MEAK7: variants seen among roughly 807,000 people sequenced by gnomAD.
The protein encoded by MEAK7 is MTOR-associated protein MEAK7.
In MEAK7, 68 loss-of-function variants were observed where a neutral mutation model predicts 40.5. The ratio of observed to expected loss-of-function variants is 1.68; its 90% CI spans 1.38 to 2.06. The LOEUF is 2.06. Among genes scored for constraint, MEAK7 ranks in the 30% most tolerant of loss-of-function variants. The probability of loss-of-function intolerance (pLI) is 0.00; values close to 1 mark genes in which losing one functional copy is unlikely to be tolerated. For missense variants in MEAK7, 918 were observed against 580.5 expected (o/e 1.58, Z -5.98); for synonymous variants, 338 against 231.9 (o/e 1.46, Z -4.16).
chr16:84,495,792 G>A lies in MEAK7; in HGVS notation c.275C>T (p.Thr92Ile). 6.2e-7 allele frequency: 1 copy of A among 1,614,088 alleles called. No homozygotes were observed. The highest frequency in any genetic ancestry group is 1.1e-5 in the South Asian group (1 of 91,074). ...PSENVSQEQF[T>I]ASMSHLLKGN... ...TTTCAACAGGTGGGACATGGATGCTGTGAACTGCTCCTGGGACACGTTCTC... is the reference window on the plus strand; with the variant it reads ...TTTCAACAGGTGGGACATGGATGCTATGAACTGCTCCTGGGACACGTTCTC... Residue 92 changes from threonine to isoleucine, a missense_variant, in exon 3 of 8, where the codon ACA (threonine) becomes ATA (isoleucine). Physicochemically the swap from Thr to Ile is moderately conservative, Grantham distance 89. Coordinates refer to ENST00000343629, the MANE Select transcript of MEAK7 (RefSeq NM_020947.4).
rs1383148313 is a variant in MEAK7 at position 84,478,269 on chromosome 16, T to A, written c.*1644A>T. 6.6e-6 allele frequency: 1 copy of A among 152,172 alleles called. No individual in the cohort carries two copies. The highest frequency in any genetic ancestry group is 1.9e-4 in the East Asian group (1 of 5,192). 9.4% of individuals were successfully genotyped at this position (152,172 alleles called of 1,614,324 possible). A position where few individuals can be genotyped will look rare whatever the true frequency, so the allele number is the denominator to read the frequency against. On this transcript the variant is annotated 3_prime_UTR_variant, in exon 8 of 8. Coordinates refer to ENST00000343629, the MANE Select transcript of MEAK7 (RefSeq NM_020947.4). ...TTACAAACTGGCTAAGGAAAATCAG[T>A]CATGACTAAGTCCTTGTCTGCATCA... is the stretch of plus-strand genomic sequence containing the variant.
Position 84,495,928 on chromosome 16 carries a change from C to A in MEAK7, c.154-15G>T. Reference sequence around the variant, plus strand: ...CCGACGTGGTTCTGCCGGGGACAAGCAGAAAAATATGGTTAGACAGTGCAC... The same window carrying A: ...CCGACGTGGTTCTGCCGGGGACAAGAAGAAAAATATGGTTAGACAGTGCAC... On this transcript the variant is annotated splice_polypyrimidine_tract_variant and intron_variant, in intron 2 of 7. Transcript: ENST00000343629. The A allele has an allele frequency of 6.2e-7, 1 of 1,613,188 alleles. No individual in the cohort carries two copies. Among genetic ancestry groups the A allele is most frequent in the African/African-American group, 1.3e-5 (1 of 74,946 alleles).
At chr16:84,485,669 T>TAC (rs1912980942) in intron 5 of MEAK7, among the ~76,000 whole-genome samples, 1 of 150,400 alleles carries the variant, frequency 6.6e-6, no homozygotes, top group African/African-American at 2.4e-5. Flanking sequence ...CATCCATCTA[T>TAC]CTACCTATCT....
In MEAK7 at chr16:84,478,805, C is replaced by G. The variant is rs182538431; in HGVS notation, c.*1108G>C. ...TGCACTGACAGCTGTGACTCAGGCACTGGTTCCCAGAGATCTAGAACCCAG... is the reference window on the plus strand; with the variant it reads ...TGCACTGACAGCTGTGACTCAGGCAGTGGTTCCCAGAGATCTAGAACCCAG... On this transcript the variant is annotated 3_prime_UTR_variant, in exon 8 of 8. Coordinates refer to ENST00000343629, the MANE Select transcript of MEAK7 (RefSeq NM_020947.4). The G allele has an allele frequency of 1.3e-5, 2 of 152,394 alleles. No individual in the cohort carries two copies. The highest frequency in any genetic ancestry group is 6.5e-5 in the Admixed American group (1 of 15,302). 9.4% of individuals were successfully genotyped at this position (152,394 alleles called of 1,614,324 possible). A position where few individuals can be genotyped will look rare whatever the true frequency, so the allele number is the denominator to read the frequency against.
rs900543001 is a variant in MEAK7 at position 84,478,871 on chromosome 16, T to A, written c.*1042A>T. ...TAGACAGCTGTGACTCAGGTGCTGGTTCCCAGAGGTCTAGAACCCAGGCCA... is the reference window on the plus strand; with the variant it reads ...TAGACAGCTGTGACTCAGGTGCTGGATCCCAGAGGTCTAGAACCCAGGCCA... On this transcript the variant is annotated 3_prime_UTR_variant, in exon 8 of 8. Coordinates refer to ENST00000343629, the MANE Select transcript of MEAK7 (RefSeq NM_020947.4). The A allele has an allele frequency of 1.3e-5, 2 of 152,216 alleles. No homozygotes were observed. The highest frequency in any genetic ancestry group is 4.8e-5 in the African/African-American group (2 of 41,446). 9.4% of individuals were successfully genotyped at this position (152,216 alleles called of 1,614,324 possible). A position where few individuals can be genotyped will look rare whatever the true frequency, so the allele number is the denominator to read the frequency against.
At chr16:84,484,243 C>G (rs946723235) in intron 5 of MEAK7, among the ~76,000 whole-genome samples, 1 of 152,218 alleles carries the variant, frequency 6.6e-6, no homozygotes, top group Non-Finnish European at 1.5e-5. Context: ...GAATACAGGG[C>G]AAGGACCTGA....
intron 3 of MEAK7, among the ~76,000 whole-genome samples, chr16:84,493,212 A>C (rs1913772793): frequency 6.6e-6 from 1 of 152,234 alleles, no homozygotes. Context: ...AGAAGTACCC[A>C]AATTTCCTTG....
chr16:84,495,599 G>T (rs556728229), intron 3 of MEAK7, 84 bp downstream of exon 3: 7 of 1,320,798 alleles, frequency 5.3e-6, no homozygotes, highest in South Asian at 5.0e-5. Flanking sequence ...ACTCCTCCAT[G>T]TGCCATGTAA....
chr16:84,486,695 G>A lies in MEAK7; in HGVS notation c.894C>T (p.Asp298=), dbSNP rs1913090601. ...ACCCACCGAACACATGCTTGTCATGGTCCTCGAGGACAGCCACACAGGGTC... is the reference window on the plus strand; with the variant it reads ...ACCCACCGAACACATGCTTGTCATGATCCTCGAGGACAGCCACACAGGGTC... ...HRGPCVAVLE[D]HDKHVFGGFA... is the part of the protein sequence containing the mutation. The change falls in exon 5 of 8, where the codon GAC becomes GAT. Residue 298 remains aspartate, a synonymous_variant. Transcript: ENST00000343629. 6.2e-7 allele frequency: 1 copy of A among 1,614,134 alleles called. No individual in the cohort carries two copies. Among genetic ancestry groups the A allele is most frequent in the Non-Finnish European group, 8.5e-7 (1 of 1,180,012 alleles).
intron 1 of MEAK7, among the ~76,000 whole-genome samples, chr16:84,498,614 A>C (rs1027372332): frequency 5.3e-5 from 8 of 152,068 alleles, no homozygotes; most frequent in Admixed American, 5.2e-4. Flanking sequence ...AGCTGATACA[A>C]ACAAAGCTGG....
chr16:84,498,044 G>A lies in MEAK7; in HGVS notation c.43C>T (p.Gln15Ter). 6.2e-7 allele frequency: 1 copy of A among 1,612,024 alleles called. No individual in the cohort carries two copies. The highest frequency in any genetic ancestry group is 8.5e-7 in the Non-Finnish European group (1 of 1,178,034). The change falls in exon 2 of 8, where the codon CAG (glutamine) becomes TAG (stop). Residue 15 changes from glutamine (Q) to a stop codon, truncating the protein, a stop_gained. Coordinates refer to ENST00000343629, the MANE Select transcript of MEAK7 (RefSeq NM_020947.4). LOFTEE classifies it high-confidence loss of function. ...TCTGCCTGTTCCTCAGGAAGAAACT[G>A]TGAACAAAAGCTCCGCCCCACACGG... ...RSRVGRSFCS[Q>*]FLPEEQAEID...
chr16:84,495,623 C>T, intron 3 of MEAK7, 60 bp downstream of exon 3: 3 of 1,541,718 alleles, frequency 1.9e-6, no homozygotes, highest in East Asian at 4.5e-5. Context: ...GCCTCCATCC[C>T]CCCACCGATG....
At chr16:84,493,972 C>A (rs1913838156) in intron 3 of MEAK7, among the ~76,000 whole-genome samples, 1 of 152,144 alleles carries the variant, frequency 6.6e-6, no homozygotes, top group African/African-American at 2.4e-5. Flanking sequence ...TCACCCAAGT[C>A]ACATGGGTAT....
intron 5 of MEAK7, among the ~76,000 whole-genome samples, chr16:84,483,069 C>G (rs1236620891): frequency 1.3e-5 from 2 of 152,180 alleles, no homozygotes; most frequent in Non-Finnish European, 2.9e-5. Flanking sequence ...GGTGGTCACT[C>G]CGCAGAGACT....
chr16:84,497,976 G>A lies in MEAK7; in HGVS notation c.111C>T (p.Ser37=). ...AGAAGGATTTGGATGAGACATTCGG[G>A]CTGTTTTTATCTGATGACAGAGCAT... ...LFDALSSDKN[S]PNVSSKSFSL... Residue 37 remains serine, a synonymous_variant, in exon 2 of 8, where the codon AGC becomes AGT. Transcript: ENST00000343629. 6.2e-7 allele frequency: 1 copy of A among 1,614,160 alleles called. No homozygotes were observed. The highest frequency in any genetic ancestry group is 8.5e-7 in the Non-Finnish European group (1 of 1,180,038).
chr16:84,504,065 G>A (rs1315989382), intron 1 of MEAK7: 1 of 985,550 alleles, frequency 1.0e-6, no homozygotes, highest in Non-Finnish European at 1.2e-6. Flanking sequence ...TTGAGCCTGG[G>A]CAAGAAGTTC....
intron 5 of MEAK7, chr16:84,486,137 T>G (rs987719345): frequency 6.5e-6 from 1 of 153,864 alleles, no homozygotes; most frequent in Non-Finnish European, 1.4e-5. Context: ...GTGTTTTAAA[T>G]ATTTTTAAAG....
Position 84,497,283 on chromosome 16 carries a change from G to C in MEAK7, c.153+651C>G, listed in dbSNP as rs1187830508. The C allele has an allele frequency of 5.0e-6, 3 of 600,600 alleles. No homozygotes were observed. The East Asian group carries it at 2.1e-4, about 42-fold the overall frequency. The allele number at this position is 600,600 out of a possible 1,614,324, so 37.2% of individuals were successfully genotyped here. On this transcript the variant is annotated intron_variant, in intron 2 of 7. Coordinates refer to ENST00000343629, the MANE Select transcript of MEAK7 (RefSeq NM_020947.4). ...TGCCTCAGTCCGAGCACTCAAACCT[G>C]CAGCTGAGAGCCCCATGGAACGGGG...
intron 3 of MEAK7, 134 bp from the exon 4 acceptor site, chr16:84,489,556 G>GT: frequency 9.6e-7 from 1 of 1,044,976 alleles, no homozygotes; most frequent in East Asian, 2.7e-5. Context: ...GTCATGCAAT[G>GT]TATGTAGTTA....
Sources: allele counts gnomAD v4.1 joint callset (sites outside exome capture counted in the v4.1 genomes callset), GRCh38; gene constraint gnomAD v4.1.1; transcripts MANE v1.5; gene names NCBI Gene and HGNC (gene_info 2026-07-23, HGNC 2026-07-21).